Variants in DHX40 observed in about 807,000 individuals in gnomAD.
DHX40 encodes the protein DEAH-box helicase 40.
DHX40 carries 28 observed loss-of-function variants against 89.6 expected under a neutral mutation model. That is an observed-to-expected ratio of 0.31 (90% CI 0.23 to 0.43). The LOEUF (loss-of-function observed/expected upper bound fraction) is 0.43, where lower values mean the gene tolerates loss of function less well. Ranked by LOEUF, DHX40 falls within the 20% of genes least tolerant of loss-of-function variation. DHX40 has a pLI of 1.00. For synonymous variants in DHX40, 226 were observed against 283.6 expected (o/e 0.80, Z 2.04); for missense variants, 457 against 844.0 (o/e 0.54, Z 5.68).
chr17:59,607,362 G>T lies in DHX40; in HGVS notation c.*190G>T, dbSNP rs116594658. 969 of 1,148,228 alleles carry T rather than the reference G, an allele frequency of 8.4e-4. 9 individuals are homozygous for T. The African/African-American group carries it at 0.013, about 16-fold the overall frequency. The allele number at this position is 1,148,228 out of a possible 1,614,324, so 71.1% of individuals were successfully genotyped here. On this transcript the variant is annotated 3_prime_UTR_variant, in exon 18 of 18. Coordinates refer to ENST00000251241, the MANE Select transcript of DHX40 (RefSeq NM_024612.5). Reference sequence around the variant, plus strand: ...CCATAAATGCAGTTGTCAAAGAAAAGATTTGGTTGCCATAGTCATAAGCAA... The same window carrying T: ...CCATAAATGCAGTTGTCAAAGAAAATATTTGGTTGCCATAGTCATAAGCAA...
intron 14 of DHX40, among the ~76,000 whole-genome samples, chr17:59,600,401 G>A (rs1229772636): frequency 6.7e-6 from 1 of 150,284 alleles, no homozygotes; most frequent in Non-Finnish European, 1.5e-5. Context: ...TGACATTGAA[G>A]ACTTACTGTA....
chr17:59,569,460 TTAGAG>T (rs2048756850), intron 2 of DHX40, among the ~76,000 whole-genome samples: 2 of 151,398 alleles, frequency 1.3e-5, no homozygotes, highest in Non-Finnish European at 1.5e-5. Flanking sequence ...TGGCTTACCT[TTAGAG>T]TAGATTTTTA....
At chr17:59,574,412 A>C (rs1300505184) in intron 6 of DHX40, among the ~76,000 whole-genome samples, 158 bp downstream of exon 6, 1 of 149,930 alleles carries the variant, frequency 6.7e-6, no homozygotes, top group Admixed American at 6.7e-5. Flanking sequence ...AAGATAGATA[A>C]AAATTGTAAG....
At chr17:59,587,148 CCT>C (rs1431118215) in intron 11 of DHX40, among the ~76,000 whole-genome samples, 1 of 149,056 alleles carries the variant, frequency 6.7e-6, no homozygotes, top group East Asian at 1.9e-4. Context: ...GGAGCAAGAC[CCT>C]GTCTCCAAAA....
Position 59,565,745 on chromosome 17 carries a change from A to G in DHX40, c.74A>G (p.Gln25Arg), listed in dbSNP as rs2048694782. 1.2e-6 allele frequency: 2 copies of G among 1,605,290 alleles called. No individual in the cohort carries two copies. The highest frequency in any genetic ancestry group is 2.2e-5 in the East Asian group (1 of 44,816). ...GAGGGTGAGCGGTCAAGAGACCTCCAGGAAGAGCGGCTCTCGGCTGTTTGC... is the reference window on the plus strand; with the variant it reads ...GAGGGTGAGCGGTCAAGAGACCTCCGGGAAGAGCGGCTCTCGGCTGTTTGC... The part of the protein sequence containing the change: ...QEEGERSRDL[Q>R]EERLSAVCIA... The change falls in exon 1 of 18, where the codon CAG (glutamine) becomes CGG (arginine). Residue 25 changes from glutamine to arginine, a missense_variant. By Grantham distance (43) the Gln-to-Arg change is conservative. This residue lies in a region of DHX40 where 75 missense variants were observed against 76.8 expected (regional missense o/e 0.98). Coordinates refer to ENST00000251241, the MANE Select transcript of DHX40 (RefSeq NM_024612.5).
rs2048846275 is a variant in DHX40, at chr17:59,573,932, C to G, written c.739C>G (p.Pro247Ala). The G allele has an allele frequency of 7.6e-6, 12 of 1,585,458 alleles. No individual in the cohort carries two copies. Among genetic ancestry groups the G allele is most frequent in the Non-Finnish European group, 1.0e-5 (12 of 1,162,506 alleles). ...VREKFCNLIG[P>A]RDRENTAYIQ... ...AGAGAAATTCTGCAATTTGATTGGT[C>G]CACGAGACAGAGAAAATACTGCGTA... Residue 247 changes from proline (P) to alanine (A), a missense_variant, in exon 5 of 18, where the codon CCA (proline) becomes GCA (alanine). By Grantham distance (27) the Pro-to-Ala change is conservative. Coordinates refer to ENST00000251241, the MANE Select transcript of DHX40 (RefSeq NM_024612.5).
At chr17:59,585,768 A>G (rs534777740) in intron 10 of DHX40, among the ~76,000 whole-genome samples, 1 of 121,442 alleles carries the variant, frequency 8.2e-6, no homozygotes, top group East Asian at 2.8e-4. Context: ...TATAATTTTC[A>G]GTACTAATTA....
intron 12 of DHX40, among the ~76,000 whole-genome samples, chr17:59,591,175 G>A (rs1400374991): frequency 1.3e-5 from 2 of 151,570 alleles, no homozygotes; most frequent in African/African-American, 2.4e-5. Flanking sequence ...CAGGCGTGGC[G>A]TGCACCTGTG....
At chr17:59,587,220 T>A in intron 11 of DHX40, among the ~76,000 whole-genome samples, 1 of 62,836 alleles carries the variant, frequency 1.6e-5, no homozygotes, top group Non-Finnish European at 2.5e-5. Context: ...TTCAAAGACA[T>A]CTTCTTTTTT....
In DHX40 at chr17:59,607,251, C is replaced by T. The variant is rs1300166915; in HGVS notation, c.*79C>T. The T allele has an allele frequency of 2.5e-6, 4 of 1,613,628 alleles. No individual in the cohort carries two copies. In the African/African-American group the frequency reaches 5.3e-5, roughly 22 times the overall value. On this transcript the variant is annotated 3_prime_UTR_variant, in exon 18 of 18. Coordinates refer to ENST00000251241, the MANE Select transcript of DHX40 (RefSeq NM_024612.5). ...CTACTTTGCCAGTTATTTCAGACAG[C>T]ACTACCAAGAGGAGGTGGTCAGCAC...
intron 15 of DHX40, among the ~76,000 whole-genome samples, chr17:59,603,075 T>C (rs1171779683): frequency 1.3e-5 from 2 of 152,112 alleles, no homozygotes; most frequent in Non-Finnish European, 2.9e-5. Context: ...ACAGTGATGG[T>C]GATGGAGATT....
chr17:59,591,021 A>C (rs1353969780), intron 12 of DHX40, among the ~76,000 whole-genome samples: 1 of 150,982 alleles, frequency 6.6e-6, no homozygotes, highest in Non-Finnish European at 1.5e-5. Flanking sequence ...AAGAAATTAA[A>C]AAATAGGCCA....
intron 14 of DHX40, among the ~76,000 whole-genome samples, chr17:59,600,966 A>G (rs1598177285): frequency 1.4e-5 from 2 of 139,850 alleles, no homozygotes; most frequent in East Asian, 4.2e-4. Context: ...ACTTTTTTTT[A>G]TCATCCCATA....
intron 7 of DHX40, chr17:59,576,973 A>G (rs2048892047): frequency 2.8e-6 from 1 of 354,558 alleles, no homozygotes; most frequent in Non-Finnish European, 5.4e-6. Context: ...AGATTCAAGC[A>G]ATTCTCCTGC....
chr17:59,597,949 A>AG (rs1382445335), intron 12 of DHX40, among the ~76,000 whole-genome samples: 1 of 151,516 alleles, frequency 6.6e-6, no homozygotes, highest in Non-Finnish European at 1.5e-5. Context: ...AAAAAAAAAA[A>AG]AAAACCTCCT....
chr17:59,571,783 G>C (rs1291367069), intron 3 of DHX40, among the ~76,000 whole-genome samples: 3 of 151,924 alleles, frequency 2.0e-5, no homozygotes, highest in African/African-American at 4.8e-5. Context: ...GTAGAGATGG[G>C]GTTGGTCTCA....
chr17:59,568,488 T>C (rs1263701456), intron 2 of DHX40, among the ~76,000 whole-genome samples: 1 of 152,162 alleles, frequency 6.6e-6, no homozygotes, highest in Non-Finnish European at 1.5e-5. Context: ...TGCCTGAAAC[T>C]GCCAATAATA....
chr17:59,604,552 A>G, intron 15 of DHX40: 1 of 154,544 alleles, frequency 6.5e-6, no homozygotes, highest in South Asian at 2.0e-4. Flanking sequence ...TGACAAATGA[A>G]CTAGGTTTAT....
At chr17:59,598,289 TTA>T (rs2030242898) in intron 12 of DHX40, among the ~76,000 whole-genome samples, 1 of 152,296 alleles carries the variant, frequency 6.6e-6, no homozygotes, top group South Asian at 2.1e-4. Context: ...GTACATATGC[TTA>T]TATATACATA....
Sources: allele counts gnomAD v4.1 joint callset (sites outside exome capture counted in the v4.1 genomes callset), GRCh38; gene constraint gnomAD v4.1.1; regional missense constraint gnomAD v4.1.1; transcripts MANE v1.5; gene names NCBI Gene and HGNC (gene_info 2026-07-23, HGNC 2026-07-21).